The following VAT1L variants were observed in gnomAD, a reference collection of about 807,000 sequenced individuals.
VAT1L encodes vesicle amine transport 1 like.
A neutral mutation model predicts 44.1 loss-of-function variants in VAT1L; 34 were observed. The ratio of observed to expected loss-of-function variants is 0.77; its 90% CI spans 0.59 to 1.03. The LOEUF (loss-of-function observed/expected upper bound fraction) is 1.03, where lower values mean the gene tolerates loss of function less well. Among genes scored for constraint, VAT1L ranks in the 50% least tolerant of loss-of-function variants. VAT1L has a pLI of 0.00. For missense variants in VAT1L, 615 were observed against 538.8 expected (o/e 1.14, Z -1.40); for synonymous variants, 253 against 202.2 (o/e 1.25, Z -2.13).
chr16:77,804,169 T>C (rs1343625225), intron 1 of VAT1L, among the ~76,000 whole-genome samples: 1 of 152,232 alleles, frequency 6.6e-6, no homozygotes, highest in East Asian at 1.9e-4. Context: ...AAATGTTCTA[T>C]GCAACCAGTC....
intron 6 of VAT1L, among the ~76,000 whole-genome samples, chr16:77,880,718 G>A (rs1279909633): frequency 6.8e-6 from 1 of 147,954 alleles, no homozygotes; most frequent in Non-Finnish European, 1.5e-5. Flanking sequence ...CATTCACATA[G>A]TGAGCATAGT....
At position 77,884,787 on chromosome 16, in the gene VAT1L, G is replaced by GTGGGCTC. The variant is rs1396641437; in HGVS notation, c.1066_1072dup (p.Glu358GlyfsTer36). 6.6e-7 allele frequency: 1 copy of GTGGGCTC among 1,526,316 alleles called. No individual in the cohort carries two copies. Among genetic ancestry groups the GTGGGCTC allele is most frequent in the African/African-American group, 1.4e-5 (1 of 70,430 alleles). 94.5% of individuals were successfully genotyped at this position (1,526,316 alleles called of 1,614,324 possible). ...AGATCAAGCCTGTGGTGGACTCCTT[G>GTGGGCTC]TGGGCTCTGGAGGAGGTAAGAATGG... On this transcript the variant is annotated frameshift_variant, in exon 7 of 9. Coordinates refer to ENST00000302536, the MANE Select transcript of VAT1L (RefSeq NM_020927.3). LOFTEE classifies it high-confidence loss of function. The surrounding 1 kb of genome is among the most constrained non-coding windows in gnomAD (Gnocchi z 4.5).
At chr16:77,955,852 TC>T (rs2018098317) in intron 7 of VAT1L, among the ~76,000 whole-genome samples, 1 of 151,624 alleles carries the variant, frequency 6.6e-6, no homozygotes, top group African/African-American at 2.4e-5. Flanking sequence ...GCGTCCTACA[TC>T]CTTCCTTCCT....
chr16:77,866,864 C>T (rs1190549438), intron 4 of VAT1L, among the ~76,000 whole-genome samples: 1 of 152,116 alleles, frequency 6.6e-6, no homozygotes, highest in African/African-American at 2.4e-5. Context: ...ACTGCAAGGG[C>T]TTTACAAATA....
At chr16:77,903,154 T>C (rs1316114721) in intron 7 of VAT1L, among the ~76,000 whole-genome samples, 1 of 152,188 alleles carries the variant, frequency 6.6e-6, no homozygotes, top group African/African-American at 2.4e-5. Flanking sequence ...TCTCATTTAG[T>C]AAATTAGAAT....
At chr16:77,969,172 G>A (rs766794387) in intron 7 of VAT1L, among the ~76,000 whole-genome samples, 4 of 152,106 alleles carry the variant, frequency 2.6e-5, no homozygotes, top group Non-Finnish European at 5.9e-5. Flanking sequence ...TCAAGATATC[G>A]AGATATTGTT....
chr16:77,936,712 C>G (rs933413097), intron 7 of VAT1L, among the ~76,000 whole-genome samples: 1 of 152,120 alleles, frequency 6.6e-6, no homozygotes, highest in Non-Finnish European at 1.5e-5. Context: ...AGGCTCCTCC[C>G]TGCTGCAAAC....
chr16:77,804,348 T>A (rs1363756043), intron 1 of VAT1L, among the ~76,000 whole-genome samples: 1 of 152,180 alleles, frequency 6.6e-6, no homozygotes, highest in Non-Finnish European at 1.5e-5. Flanking sequence ...AGTCTCAGCA[T>A]CTAGGAGTGC....
At chr16:77,918,892 G>A (rs1159587675) in intron 7 of VAT1L, among the ~76,000 whole-genome samples, 1 of 152,190 alleles carries the variant, frequency 6.6e-6, no homozygotes, top group Non-Finnish European at 1.5e-5. Context: ...AGTAGAATAA[G>A]TTCTCTCTCT....
chr16:77,954,079 C>G (rs946421109), intron 7 of VAT1L, among the ~76,000 whole-genome samples: 8 of 152,158 alleles, frequency 5.3e-5, no homozygotes, highest in African/African-American at 1.9e-4. Context: ...TGAAACTCAG[C>G]TGCTGGGTCT....
At chr16:77,838,792 C>G (rs931212091) in intron 3 of VAT1L, among the ~76,000 whole-genome samples, 5 of 150,306 alleles carry the variant, frequency 3.3e-5, no homozygotes, top group Admixed American at 1.3e-4. Flanking sequence ...TTCTTTTTCT[C>G]TCTCTCATTT....
chr16:77,970,492 A>G (rs1002553349), intron 7 of VAT1L, among the ~76,000 whole-genome samples: 7 of 152,328 alleles, frequency 4.6e-5, no homozygotes, highest in African/African-American at 1.7e-4. Context: ...ATATTACAAC[A>G]TTTAATTCTG....
At chr16:77,871,863 G>C (rs2142449945) in intron 4 of VAT1L, among the ~76,000 whole-genome samples, 1 of 152,212 alleles carries the variant, frequency 6.6e-6, no homozygotes, top group Middle Eastern at 3.4e-3. Context: ...TTTCTGGGCT[G>C]GTGTCTCCAC....
At chr16:77,806,249 A>G (rs1158701886) in intron 1 of VAT1L, among the ~76,000 whole-genome samples, 1 of 150,772 alleles carries the variant, frequency 6.6e-6, no homozygotes, top group Non-Finnish European at 1.5e-5. Flanking sequence ...TCGCTCTGTC[A>G]CCCAGGCTGG....
At chr16:77,954,827 A>T (rs539593354) in intron 7 of VAT1L, among the ~76,000 whole-genome samples, 2 of 152,316 alleles carry the variant, frequency 1.3e-5, no homozygotes, top group South Asian at 4.1e-4. Flanking sequence ...CCAGGAGTAG[A>T]CTACCTGTCC....
chr16:77,961,490 C>T (rs2018159768), intron 7 of VAT1L, among the ~76,000 whole-genome samples: 1 of 152,128 alleles, frequency 6.6e-6, no homozygotes, highest in African/African-American at 2.4e-5. Flanking sequence ...GAGAAGAAAC[C>T]ATTGTTCTCC....
intron 3 of VAT1L, among the ~76,000 whole-genome samples, chr16:77,850,570 C>G (rs549670790): frequency 7.1e-4 from 108 of 152,286 alleles, no homozygotes; most frequent in African/African-American, 2.5e-3. Context: ...CTTTCATTCT[C>G]AAAAAGAGTC....
In VAT1L at chr16:77,856,374, G is replaced by A. The variant is rs373956202; in HGVS notation, c.580-6374G>A. Among the ~76,000 whole-genome samples the A allele has an allele frequency of 7.9e-5, 12 of 152,204 alleles. No homozygotes were observed. In the East Asian group the frequency reaches 2.3e-3, roughly 29 times the overall value. ...AATCCTGAATCTCAGTGCACTGGTA[G>A]GCTCATCTAGCCTAAATTCCCACTT... On this transcript the variant is annotated intron_variant, in intron 3 of 8. Coordinates refer to ENST00000302536, the MANE Select transcript of VAT1L (RefSeq NM_020927.3).
chr16:77,887,451 T>C lies in VAT1L; in HGVS notation c.1077+2649T>C, dbSNP rs1182682579. Among the ~76,000 whole-genome samples the C allele has an allele frequency of 2.0e-5, 3 of 152,056 alleles. No individual in the cohort carries two copies. In the East Asian group the frequency reaches 5.8e-4, roughly 29 times the overall value. ...GGAAGATCTCATTCCAGCTAAGGAA[T>C]AGGAAAAGCATGCTAACTACAGACC... On this transcript the variant is annotated intron_variant, in intron 7 of 8. Coordinates refer to ENST00000302536, the MANE Select transcript of VAT1L (RefSeq NM_020927.3).
Sources: allele counts gnomAD v4.1 joint callset (sites outside exome capture counted in the v4.1 genomes callset), GRCh38; gene constraint gnomAD v4.1.1; non-coding constraint Gnocchi (gnomAD v3.1); transcripts MANE v1.5; gene names NCBI Gene and HGNC (gene_info 2026-07-23, HGNC 2026-07-21).